Variants in REL observed in about 807,000 individuals in gnomAD.
REL encodes REL proto-oncogene, NF-kB subunit.
Under a neutral mutation model 45.9 loss-of-function variants are expected in REL, and 15 were observed. That is an observed-to-expected ratio of 0.33 (90% confidence interval 0.22 to 0.50). The LOEUF (loss-of-function observed/expected upper bound fraction) is 0.50. Ranked by LOEUF, REL falls within the 20% of genes least tolerant of loss-of-function variation. The pLI, the probability that REL is intolerant of heterozygous loss-of-function variation, is 0.98. For missense variants in REL, 601 were observed against 715.2 expected (o/e 0.84, Z 1.82); for synonymous variants, 239 against 242.1 (o/e 0.99, Z 0.12).
In REL at chr2:60,922,566, A is replaced by G; in HGVS notation, c.*31A>G. 4 of 1,549,824 alleles carry G rather than the reference A, an allele frequency of 2.6e-6. No homozygotes were observed. The highest frequency in any genetic ancestry group is 2.6e-6 in the Non-Finnish European group (3 of 1,149,222). On this transcript the variant is annotated 3_prime_UTR_variant, in exon 10 of 10. Transcript: ENST00000394479. ...AAGATTTAAATCCTTTTAAATCTTG[A>G]TACCACCTATATAGATGCAGCATTT... is the stretch of plus-strand genomic sequence containing the variant.
chr2:60,913,043 C>G (rs1639496523), intron 4 of REL, among the ~76,000 whole-genome samples: 2 of 152,062 alleles, frequency 1.3e-5, no homozygotes, highest in Admixed American at 6.5e-5. Context: ...AGACAAGACA[C>G]AAAGTGTTTT....
chr2:60,897,794 A>C (rs1673388737), intron 3 of REL, among the ~76,000 whole-genome samples: 1 of 151,986 alleles, frequency 6.6e-6, no homozygotes, highest in Admixed American at 6.6e-5. Context: ...CAGGAGGCCA[A>C]AGCAGGAGGA....
Position 60,891,688 on chromosome 2 carries a change from T to A in REL, c.16T>A (p.Tyr6Asn). The change falls in exon 2 of 10, where the codon TAT becomes AAT. Residue 6 changes from tyrosine (Y) to asparagine (N), a missense_variant. Physicochemically the swap from Tyr to Asn is moderately radical, Grantham distance 143 (BLOSUM62 -2). This residue lies in a region of REL where 24 missense variants were observed against 18.2 expected (regional missense o/e 1.32). Coordinates refer to ENST00000394479, the MANE Select transcript of REL (RefSeq NM_001291746.2). Reference sequence around the variant, plus strand: ...CCTTTTTAAAAACTTTTCAGGTGCGTATAACCCGTATATAGAGATAATTGA... The same window carrying A: ...CCTTTTTAAAAACTTTTCAGGTGCGAATAACCCGTATATAGAGATAATTGA... Reference protein sequence around the residue: MASGAYNPYIEIIEQP... With the variant: MASGANNPYIEIIEQP... The A allele has an allele frequency of 6.2e-7, 1 of 1,610,716 alleles. No homozygotes were observed. The highest frequency in any genetic ancestry group is 8.5e-7 in the Non-Finnish European group (1 of 1,178,294).
chr2:60,930,120 G>A lies in REL; in HGVS notation c.*7585G>A, dbSNP rs2104004115. The A allele has an allele frequency of 1.3e-5, 2 of 152,306 alleles. 1 individual carries two copies. The highest frequency in any genetic ancestry group is 4.2e-4 in the South Asian group (2 of 4,814). 9.4% of individuals were successfully genotyped at this position (152,306 alleles called of 1,614,324 possible). Reference sequence around the variant, plus strand: ...AGCATGGAGAAATGGAAAGAATAGGGACTTTTTACTCAGGTAATACCCAGC... The same window carrying A: ...AGCATGGAGAAATGGAAAGAATAGGAACTTTTTACTCAGGTAATACCCAGC... On this transcript the variant is annotated 3_prime_UTR_variant, in exon 10 of 10. Coordinates refer to ENST00000394479, the MANE Select transcript of REL (RefSeq NM_001291746.2).
chr2:60,918,344 G>C, intron 6 of REL, 49 bp downstream of exon 6: 18 of 1,554,258 alleles, frequency 1.2e-5, no homozygotes, highest in Non-Finnish European at 1.6e-5. Context: ...ATTAATAGAT[G>C]CAGTTACTTT....
intron 4 of REL, among the ~76,000 whole-genome samples, chr2:60,915,886 A>T (rs1285051263): frequency 6.6e-6 from 1 of 152,148 alleles, no homozygotes; most frequent in Non-Finnish European, 1.5e-5. Flanking sequence ...TTGCACGTAA[A>T]ATTTCTTATG....
chr2:60,919,392 A>G (rs1266520056), intron 7 of REL, among the ~76,000 whole-genome samples: 2 of 151,002 alleles, frequency 1.3e-5, no homozygotes, highest in African/African-American at 4.9e-5. Context: ...GCACCACCAC[A>G]CTTGGCTAAT....
chr2:60,912,410 CTTA>C (rs1163268977), intron 4 of REL, among the ~76,000 whole-genome samples: 2 of 152,086 alleles, frequency 1.3e-5, no homozygotes, highest in Non-Finnish European at 1.5e-5. Context: ...AAACTTAACT[CTTA>C]TTAATATTGA....
At chr2:60,904,339 T>C (rs767704682) in intron 4 of REL, among the ~76,000 whole-genome samples, 5 of 150,534 alleles carry the variant, frequency 3.3e-5, no homozygotes, top group Non-Finnish European at 7.4e-5. Context: ...GAGGTGGAGG[T>C]TGCAGTAAGC....
rs1674294392 is a variant in REL, at chr2:60,927,495, T to C, written c.*4960T>C. On this transcript the variant is annotated 3_prime_UTR_variant, in exon 10 of 10. Coordinates refer to ENST00000394479, the MANE Select transcript of REL (RefSeq NM_001291746.2). Reference sequence around the variant, plus strand: ...AGTTTTTGGGATTATTTCATAGCCCTGACCTTGCTACTTCTCTCCACTTTA... The same window carrying C: ...AGTTTTTGGGATTATTTCATAGCCCCGACCTTGCTACTTCTCTCCACTTTA... The C allele has an allele frequency of 8.7e-6, 2 of 229,518 alleles. No individual in the cohort carries two copies. Among genetic ancestry groups the C allele is most frequent in the East Asian group, 1.2e-4 (2 of 16,232 alleles). The allele number at this position is 229,518 out of a possible 1,614,324, so 14.2% of individuals were successfully genotyped here.
At chr2:60,915,417 A>G (rs1024287600) in intron 4 of REL, among the ~76,000 whole-genome samples, 1 of 152,230 alleles carries the variant, frequency 6.6e-6, no homozygotes, top group Non-Finnish European at 1.5e-5. Flanking sequence ...TGTTGGTATC[A>G]TAACATTTTG....
At chr2:60,882,219 G>A (rs1053584380) in intron 1 of REL, among the ~76,000 whole-genome samples, 74 of 152,240 alleles carry the variant, frequency 4.9e-4, no homozygotes, top group African/African-American at 1.7e-3. Flanking sequence ...TTCAGACCTC[G>A]GGCAAGCTCT....
chr2:60,901,263 CT>C (rs1673490954), intron 4 of REL, among the ~76,000 whole-genome samples, 180 bp downstream of exon 4: 1 of 145,134 alleles, frequency 6.9e-6, no homozygotes, highest in Non-Finnish European at 1.5e-5. Flanking sequence ...TCAAGCAATT[CT>C]CCTGCCTCAG....
At chr2:60,893,637 G>C (rs983153544) in intron 2 of REL, among the ~76,000 whole-genome samples, 25 of 152,122 alleles carry the variant, frequency 1.6e-4, no homozygotes, top group Admixed American at 1.2e-3. Flanking sequence ...AATACTTCTT[G>C]GTTACTTTCA....
At chr2:60,884,208 G>C (rs1489166645) in intron 1 of REL, among the ~76,000 whole-genome samples, 1 of 151,808 alleles carries the variant, frequency 6.6e-6, no homozygotes, top group East Asian at 1.9e-4. Context: ...TCATTACGAA[G>C]TATTTAAGAG....
chr2:60,897,235 A>G (rs1167626861), intron 3 of REL, among the ~76,000 whole-genome samples: 1 of 151,572 alleles, frequency 6.6e-6, no homozygotes, highest in African/African-American at 2.4e-5. Flanking sequence ...ATATGCCGTC[A>G]TCTTTCTTTG....
intron 2 of REL, 116 bp downstream of exon 2, chr2:60,891,941 T>A: frequency 9.8e-7 from 1 of 1,017,234 alleles, no homozygotes; most frequent in Non-Finnish European, 1.4e-6. Flanking sequence ...TATCTTTTTC[T>A]TTTTTCCTTT....
chr2:60,894,770 T>A (rs1673306613), intron 3 of REL, among the ~76,000 whole-genome samples: 1 of 152,158 alleles, frequency 6.6e-6, no homozygotes, highest in Non-Finnish European at 1.5e-5. Context: ...TTTATTGTTA[T>A]TAAAAGTAAA....
At chr2:60,882,464 C>G (rs970201904) in intron 1 of REL, among the ~76,000 whole-genome samples, 43 of 152,104 alleles carry the variant, frequency 2.8e-4, no homozygotes, top group Non-Finnish European at 3.7e-4. Context: ...AACCAGAGGT[C>G]AGGAGTTTGA....
Sources: allele counts gnomAD v4.1 joint callset (sites outside exome capture counted in the v4.1 genomes callset), GRCh38; gene constraint gnomAD v4.1.1; regional missense constraint gnomAD v4.1.1; transcripts MANE v1.5; gene names NCBI Gene and HGNC (gene_info 2026-07-23, HGNC 2026-07-21).